Variants in ZBBX observed in about 807,000 individuals in gnomAD.
ZBBX encodes zinc finger B-box domain-containing protein 1.
Under a neutral mutation model 108.5 loss-of-function variants are expected in ZBBX, and 101 were observed. The ratio of observed to expected loss-of-function variants is 0.93; its 90% CI spans 0.79 to 1.10. ZBBX has a LOEUF of 1.10. Among genes scored for constraint, ZBBX ranks in the 50% least tolerant of loss-of-function variants. The probability of loss-of-function intolerance (pLI) is 0.00; values close to 1 mark genes in which losing one functional copy is unlikely to be tolerated. For missense variants in ZBBX, 1,009 were observed against 941.4 expected (o/e 1.07, Z -0.94); for synonymous variants, 356 against 323.4 (o/e 1.10, Z -1.08).
chr3:167,355,722 G>T (rs546218811), intron 8 of ZBBX, among the ~76,000 whole-genome samples: 2 of 151,878 alleles, frequency 1.3e-5, no homozygotes, highest in Non-Finnish European at 2.9e-5. Context: ...CACTAAATCT[G>T]CCTAATTTGA....
At chr3:167,344,672 A>T (rs183414231) in intron 9 of ZBBX, among the ~76,000 whole-genome samples, 24 of 151,764 alleles carry the variant, frequency 1.6e-4, no homozygotes, top group East Asian at 9.8e-4. Context: ...GCAGAAGTAC[A>T]GTTCAGGTAG....
chr3:167,334,499 A>T lies in ZBBX; in HGVS notation c.529-514T>A, dbSNP rs138614393. On this transcript the variant is annotated intron_variant, in intron 9 of 21. Transcript: ENST00000675490. The stretch of plus-strand genomic sequence containing the variant: ...TGAGACAGGAGGATTGCTTGAACCC[A>T]GGAGGCGGAGGTTGCAGCAAGCTGA... 2.5e-4 allele frequency among the ~76,000 whole-genome samples: 38 copies of T among 152,188 alleles called. No individual in the cohort carries two copies. In the East Asian group the frequency reaches 7.2e-3, roughly 29 times the overall value.
Position 167,368,464 on chromosome 3 carries a change from C to T in ZBBX, c.179G>A (p.Arg60Lys), listed in dbSNP as rs1418735612. Residue 60 changes from arginine (R) to lysine (K), a missense_variant, in exon 5 of 22, where the codon AGA becomes AAA. Transcript: ENST00000675490. ...ATTCTCTAAGAGTTTCACTCACTCT[C>T]TATCTTCCTTTTCTTTGTTTCTTGT... ...RSTRNKEKED[R>K]ESSEYYWKSG... The T allele has an allele frequency of 1.9e-6, 3 of 1,607,618 alleles. No homozygotes were observed. The highest frequency in any genetic ancestry group is 2.6e-6 in the Non-Finnish European group (3 of 1,174,970).
At position 167,365,953 on chromosome 3, in the gene ZBBX, G is replaced by A. The variant is rs200250021; in HGVS notation, c.206C>T (p.Ser69Phe). The A allele has an allele frequency of 3.9e-4, 624 of 1,607,824 alleles. No individual in the cohort carries two copies. The highest frequency in any genetic ancestry group is 1.1e-3 in the Admixed American group (68 of 59,782). ...ATTGACCAATTTGCCCACTTTTCCA[G>A]ATTTCCAGTAATACTCGCTTGACCT... ...DRESSEYYWK[S>F]GKVGKLVNQS... The change falls in exon 6 of 22, where the codon TCT becomes TTT. Residue 69 changes from serine to phenylalanine, a missense_variant. Transcript: ENST00000675490.
At chr3:167,300,609 C>CTTT (rs59816017) in intron 17 of ZBBX, among the ~76,000 whole-genome samples, 3 of 141,796 alleles carry the variant, frequency 2.1e-5, no homozygotes. Context: ...CCCACCAACC[C>CTTT]TTTTTTTTTT....
chr3:167,253,548 C>G (rs995290514), intron 20 of ZBBX, among the ~76,000 whole-genome samples: 1 of 152,082 alleles, frequency 6.6e-6, no homozygotes, highest in Admixed American at 6.6e-5. Flanking sequence ...ACAGAGAAAG[C>G]TGAGCTCCCC....
chr3:167,315,761 G>C lies in ZBBX; in HGVS notation c.1263C>G (p.Asp421Glu), dbSNP rs201327926. 5 of 1,607,492 alleles carry C rather than the reference G, an allele frequency of 3.1e-6. No homozygotes were observed. The highest frequency in any genetic ancestry group is 3.3e-5 in the Admixed American group (2 of 59,802). Residue 421 changes from aspartate (D) to glutamate (E), a missense_variant, in exon 15 of 22, where the codon GAC becomes GAG. By Grantham distance (45) the Asp-to-Glu change is conservative. Coordinates refer to ENST00000675490, the MANE Select transcript of ZBBX (RefSeq NM_001199201.2). ...TAGAAAGGTTTTACCTTCGTTGACTGTCTGCATCAGCTAATTTAACTTTGT... is the reference window on the plus strand; with the variant it reads ...TAGAAAGGTTTTACCTTCGTTGACTCTCTGCATCAGCTAATTTAACTTTGT... ...VPYKVKLADA[D>E]SQRSCAFHDC...
chr3:167,284,311 C>T (rs1460254862), intron 19 of ZBBX, among the ~76,000 whole-genome samples: 1 of 151,804 alleles, frequency 6.6e-6, no homozygotes, highest in African/African-American at 2.4e-5. Flanking sequence ...ACCAAACTCT[C>T]CAAGTCTACA....
intron 2 of ZBBX, among the ~76,000 whole-genome samples, chr3:167,377,047 C>A (rs1359742607): frequency 6.6e-6 from 1 of 151,984 alleles, no homozygotes; most frequent in Non-Finnish European, 1.5e-5. Context: ...TAACTAAATA[C>A]CAAAAATTTA....
At chr3:167,281,006 A>G (rs1276660793) in intron 20 of ZBBX, among the ~76,000 whole-genome samples, 1 of 152,204 alleles carries the variant, frequency 6.6e-6, no homozygotes, top group Non-Finnish European at 1.5e-5. Context: ...TTGCAAGAAC[A>G]AAAAACCAAA....
chr3:167,214,913 C>T, the ZBBX span, among the ~76,000 whole-genome samples: 681 of 152,136 alleles, frequency 4.5e-3, 1 homozygote, highest in African/African-American at 0.016. Context: ...AAAATTAAAA[C>T]AGAAATAAAA....
intron 1 of ZBBX, among the ~76,000 whole-genome samples, chr3:167,390,640 A>G (rs1301340956): frequency 6.6e-6 from 1 of 151,938 alleles, no homozygotes; most frequent in African/African-American, 2.4e-5. Context: ...ATATTTTTCC[A>G]TTTGTTGTGT....
At chr3:167,332,615 A>G (rs1294459726) in intron 10 of ZBBX, among the ~76,000 whole-genome samples, 1 of 152,168 alleles carries the variant, frequency 6.6e-6, no homozygotes, top group Non-Finnish European at 1.5e-5. Flanking sequence ...TTACATGGTT[A>G]TTGAGATTAT....
upstream of ZBBX, among the ~76,000 whole-genome samples, chr3:167,382,737 A>G (rs1747791940): frequency 6.6e-6 from 1 of 152,096 alleles, no homozygotes; most frequent in Non-Finnish European, 1.5e-5. Flanking sequence ...TGATTTTCTA[A>G]AAAAAAGTGT....
chr3:167,258,883 G>A (rs529888717), intron 20 of ZBBX, among the ~76,000 whole-genome samples: 165 of 152,244 alleles, frequency 1.1e-3, no homozygotes, highest in Non-Finnish European at 1.8e-3. Context: ...CTAGTATTTT[G>A]TTGAGGATTT....
intron 20 of ZBBX, among the ~76,000 whole-genome samples, chr3:167,268,226 T>C (rs1725905014): frequency 6.6e-6 from 1 of 151,990 alleles, no homozygotes; most frequent in Non-Finnish European, 1.5e-5. Context: ...TAAGCCATTA[T>C]TAGATGACCC....
chr3:167,265,128 T>A (rs1725242427), intron 20 of ZBBX, among the ~76,000 whole-genome samples: 1 of 152,258 alleles, frequency 6.6e-6, no homozygotes, highest in African/African-American at 2.4e-5. Context: ...CTTTTCCCTC[T>A]GCTTTGCAAA....
chr3:167,232,470 G>C, the ZBBX span, among the ~76,000 whole-genome samples: 3 of 151,714 alleles, frequency 2.0e-5, no homozygotes, highest in Admixed American at 2.0e-4. Context: ...GTTGGATTTA[G>C]TTCCTCCTCC....
In ZBBX at chr3:167,350,451, G is replaced by GC; in HGVS notation, c.496dup (p.Ala166GlyfsTer32). On this transcript the variant is annotated frameshift_variant, in exon 9 of 22. Coordinates refer to ENST00000675490, the MANE Select transcript of ZBBX (RefSeq NM_001199201.2). LOFTEE classifies it high-confidence loss of function. ...AAGAGTTGTTCTGTGGAGCTTTAGTGCCCCTTTCTGGTGAACTTTAGCAAA... is the reference window on the plus strand; with the variant it reads ...AAGAGTTGTTCTGTGGAGCTTTAGTGCCCCCTTTCTGGTGAACTTTAGCAAA... The GC allele has an allele frequency of 6.3e-7, 1 of 1,596,410 alleles. No homozygotes were observed. The highest frequency in any genetic ancestry group is 8.6e-7 in the Non-Finnish European group (1 of 1,168,966).
Sources: gnomAD v4.1 joint callset for allele counts (sites outside exome capture counted in the v4.1 genomes callset) on GRCh38, gnomAD v4.1.1 for gene constraint, MANE v1.5 for transcripts, NCBI Gene and HGNC (gene_info 2026-07-23, HGNC 2026-07-21) for gene names.